ADCK1: variants seen among roughly 807,000 people sequenced by gnomAD.
ADCK1 encodes aarF domain-containing protein kinase 1.
ADCK1 carries 41 observed loss-of-function variants against 52.3 expected under a neutral mutation model. That is an observed-to-expected ratio of 0.78 (90% CI 0.61 to 1.02). The LOEUF is 1.02. Among genes scored for constraint, ADCK1 ranks in the 50% least tolerant of loss-of-function variants. ADCK1 has a pLI of 0.00. For synonymous variants in ADCK1, 250 were observed against 274.6 expected, an observed-to-expected ratio of 0.91 and a Z score of 0.89; for missense variants, 658 against 679.5, an observed-to-expected ratio of 0.97 and a Z score of 0.35.
At chr14:77,863,609 G>A in intron 4 of ADCK1, among the ~76,000 whole-genome samples, 1 of 152,118 alleles carries the variant, frequency 6.6e-6, no homozygotes, top group East Asian at 1.9e-4. Flanking sequence ...GGCTGAGGTG[G>A]GTGGATCACT....
In ADCK1 at chr14:77,848,828, A is replaced by AT. The variant is rs61390673; in HGVS notation, c.220-10233dup. Among the ~76,000 whole-genome samples, 249 of 142,314 alleles carry AT rather than the reference A, an allele frequency of 1.7e-3. 2 individuals are homozygous for AT. Among genetic ancestry groups the AT allele is most frequent in the African/African-American group, 1.9e-3 (74 of 38,534 alleles). The allele number at this position is 142,314 out of a possible 152,430, so 93.4% of individuals were successfully genotyped here. The stretch of plus-strand genomic sequence containing the variant: ...GCCCAGGCTGAGGTGCAGTGGTGTA[A>AT]TTTTTTTTTTTTTTTGAGACGGAGT... On this transcript the variant is annotated intron_variant, in intron 3 of 10. Coordinates refer to ENST00000238561, the MANE Select transcript of ADCK1 (RefSeq NM_020421.4).
chr14:77,835,783 G>A (rs1358799563), intron 3 of ADCK1, among the ~76,000 whole-genome samples: 1 of 152,118 alleles, frequency 6.6e-6, no homozygotes, highest in African/African-American at 2.4e-5. Context: ...CTGCAGGCTT[G>A]CACCACCACA....
intron 3 of ADCK1, among the ~76,000 whole-genome samples, chr14:77,850,217 CA>C (rs1566664396): frequency 6.6e-6 from 1 of 152,110 alleles, no homozygotes; most frequent in Non-Finnish European, 1.5e-5. Flanking sequence ...AAAAAACAAA[CA>C]GAAAGAATAT....
chr14:77,818,150 T>G (rs896886212), intron 1 of ADCK1, among the ~76,000 whole-genome samples: 4 of 152,222 alleles, frequency 2.6e-5, no homozygotes, highest in African/African-American at 9.6e-5. Flanking sequence ...CTGACCACTT[T>G]TGACCTGAGT....
At chr14:77,868,311 C>T (rs2140159074) in intron 4 of ADCK1, among the ~76,000 whole-genome samples, 1 of 152,348 alleles carries the variant, frequency 6.6e-6, no homozygotes, top group African/African-American at 2.4e-5. Context: ...ATCCAGTGCT[C>T]TTTCTCCTGG....
intron 3 of ADCK1, among the ~76,000 whole-genome samples, chr14:77,835,537 C>G (rs1280335298): frequency 6.6e-6 from 1 of 152,200 alleles, no homozygotes; most frequent in African/African-American, 2.4e-5. Flanking sequence ...GGACAGCACC[C>G]AGGTGGTTCA....
chr14:77,822,651 A>G lies in ADCK1; in HGVS notation c.219+133A>G, dbSNP rs2081608176. On this transcript the variant is annotated intron_variant, in intron 3 of 10. Coordinates refer to ENST00000238561, the MANE Select transcript of ADCK1 (RefSeq NM_020421.4). ...AGGCATGAGCCACTGTGCCCGGCCTAGGATTGGATAAATCCTGAAGCAGCT... is the reference window on the plus strand; with the variant it reads ...AGGCATGAGCCACTGTGCCCGGCCTGGGATTGGATAAATCCTGAAGCAGCT... The G allele has an allele frequency of 4.0e-6, 3 of 753,438 alleles. No individual in the cohort carries two copies. In the South Asian group the frequency reaches 5.0e-5, roughly 13 times the overall value. 46.7% of individuals were successfully genotyped at this position (753,438 alleles called of 1,614,324 possible).
rs142591366 is a variant in ADCK1, at chr14:77,899,931, G to A, written c.741+673G>A. 2.9e-3 allele frequency among the ~76,000 whole-genome samples: 445 copies of A among 151,992 alleles called. 2 individuals carry two copies. Among genetic ancestry groups the A allele is most frequent in the African/African-American group, 0.01 (427 of 41,438 alleles). ...CTAAAAATATAAAAATTAGCCTGGC[G>A]TGGTGGCATGTGCCTGTAATCTCAG... On this transcript the variant is annotated intron_variant, in intron 6 of 10. Transcript: ENST00000238561.
At chr14:77,814,293 G>T (rs1397697865) in intron 1 of ADCK1, among the ~76,000 whole-genome samples, 1 of 151,510 alleles carries the variant, frequency 6.6e-6, no homozygotes, top group Non-Finnish European at 1.5e-5. Flanking sequence ...TGCCTAGGCT[G>T]GTCTTGAACT....
intron 1 of ADCK1, among the ~76,000 whole-genome samples, chr14:77,805,942 C>T (rs1019912187): frequency 3.5e-5 from 5 of 142,502 alleles, no homozygotes; most frequent in African/African-American, 5.1e-5. Context: ...AACTATGCTA[C>T]ATTTTAGCAG....
chr14:77,900,649 A>G (rs781463778), intron 6 of ADCK1: 23 of 453,538 alleles, frequency 5.1e-5, no homozygotes, highest in Non-Finnish European at 9.7e-5. Flanking sequence ...GATGTGGGTG[A>G]CTCACCGACT....
chr14:77,898,930 A>G (rs2083469268), intron 5 of ADCK1, among the ~76,000 whole-genome samples, 170 bp from the exon 6 acceptor site: 1 of 152,174 alleles, frequency 6.6e-6, no homozygotes, highest in South Asian at 2.1e-4. Context: ...CAGAGTACCA[A>G]GCTTATGGGA....
chr14:77,880,962 G>A (rs1039128674), intron 4 of ADCK1, among the ~76,000 whole-genome samples: 1 of 152,222 alleles, frequency 6.6e-6, no homozygotes, highest in Admixed American at 6.5e-5. Flanking sequence ...TGGTCAATTT[G>A]TAGTGGCTGC....
intron 1 of ADCK1, among the ~76,000 whole-genome samples, chr14:77,817,004 G>A (rs2081469417): frequency 6.6e-6 from 1 of 151,790 alleles, no homozygotes; most frequent in Admixed American, 6.6e-5. Context: ...CACTTTGGGA[G>A]GCTGAGGCAG....
chr14:77,927,612 C>G (rs994177520), intron 9 of ADCK1, among the ~76,000 whole-genome samples: 3 of 152,144 alleles, frequency 2.0e-5, no homozygotes, highest in African/African-American at 7.2e-5. Flanking sequence ...CTGGACGAAA[C>G]AAGTAGGGTG....
chr14:77,914,867 C>T (rs1350903613), intron 7 of ADCK1, among the ~76,000 whole-genome samples: 1 of 152,188 alleles, frequency 6.6e-6, no homozygotes, highest in Admixed American at 6.5e-5. Flanking sequence ...TTCCTGCCCA[C>T]TTACCTCTAT....
chr14:77,875,842 G>C (rs61990737), intron 4 of ADCK1, among the ~76,000 whole-genome samples: 12,412 of 152,206 alleles, frequency 0.082, 574 homozygotes, highest in Non-Finnish European at 0.09. Flanking sequence ...AAGTGTCCTC[G>C]CCTGGCATGG....
chr14:77,817,233 C>A (rs1389190172), intron 1 of ADCK1, among the ~76,000 whole-genome samples: 1 of 152,190 alleles, frequency 6.6e-6, no homozygotes, highest in African/African-American at 2.4e-5. Flanking sequence ...CAGAGCAAGA[C>A]CCTGTTTCAG....
intron 3 of ADCK1, among the ~76,000 whole-genome samples, chr14:77,852,907 ATTTTTT>A (rs71303864): frequency 2.1e-3 from 60 of 28,940 alleles, no homozygotes; most frequent in Middle Eastern, 0.059. Context: ...ATATATATAT[ATTTTTT>A]TTTTTTTTTT....
Sources: allele counts gnomAD v4.1 joint callset (sites outside exome capture counted in the v4.1 genomes callset), GRCh38; gene constraint gnomAD v4.1.1; transcripts MANE v1.5; gene names NCBI Gene and HGNC (gene_info 2026-07-23, HGNC 2026-07-21).